GNAQ: variants seen among roughly 807,000 people sequenced by gnomAD.
GNAQ encodes the protein G protein subunit alpha q.
GNAQ carries 8 observed loss-of-function variants against 43.9 expected under a neutral mutation model. The observed-to-expected ratio is 0.18, with a 90% CI of 0.11 to 0.33. The LOEUF (loss-of-function observed/expected upper bound fraction) is 0.33. Ranked by LOEUF, GNAQ falls within the 10% of genes least tolerant of loss-of-function variation. GNAQ has a pLI of 1.00. For missense variants in GNAQ, 158 were observed against 450.8 expected, an observed-to-expected ratio of 0.35 and a Z score of 5.88; for synonymous variants, 155 against 170.7, an observed-to-expected ratio of 0.91 and a Z score of 0.71.
intron 5 of GNAQ, among the ~76,000 whole-genome samples, chr9:77,749,290 G>C (rs1035248003): frequency 3.9e-5 from 6 of 152,160 alleles, no homozygotes; most frequent in Non-Finnish European, 8.8e-5. Context: ...GCAACGAGCT[G>C]ATGCCAGTTA....
chr9:77,796,662 T>C (rs1826663662), intron 4 of GNAQ, among the ~76,000 whole-genome samples: 1 of 152,222 alleles, frequency 6.6e-6, no homozygotes, highest in Non-Finnish European at 1.5e-5. Context: ...ACTAGGTTAA[T>C]TAACCCATTT....
At chr9:78,011,713 T>C (rs1420376794) in intron 1 of GNAQ, among the ~76,000 whole-genome samples, 2 of 152,180 alleles carry the variant, frequency 1.3e-5, no homozygotes, top group African/African-American at 2.4e-5. Context: ...GACATTGATA[T>C]TCAAAACAGT....
chr9:77,970,294 C>T (rs926751472), intron 1 of GNAQ, among the ~76,000 whole-genome samples: 2 of 152,116 alleles, frequency 1.3e-5, no homozygotes, highest in Non-Finnish European at 2.9e-5. Flanking sequence ...TACTCTGCCC[C>T]GTGCTCCTGC....
intron 2 of GNAQ, among the ~76,000 whole-genome samples, chr9:77,817,541 C>T (rs962354363): frequency 6.6e-6 from 1 of 152,110 alleles, no homozygotes; most frequent in African/African-American, 2.4e-5. Flanking sequence ...ACTACTTTTC[C>T]TCTTTATAAC....
chr9:77,785,648 T>C (rs1470493145), intron 5 of GNAQ, among the ~76,000 whole-genome samples: 1 of 152,156 alleles, frequency 6.6e-6, no homozygotes, highest in East Asian at 1.9e-4. Context: ...TATATGCCAA[T>C]AAAAACATTA....
chr9:77,745,201 A>T (rs539863636), intron 5 of GNAQ, among the ~76,000 whole-genome samples: 1 of 152,312 alleles, frequency 6.6e-6, no homozygotes, highest in South Asian at 2.1e-4. Flanking sequence ...GAGGCAGGAC[A>T]GATGGGAGAA....
intron 1 of GNAQ, among the ~76,000 whole-genome samples, chr9:78,027,138 C>G (rs1823992756): frequency 6.6e-6 from 1 of 152,134 alleles, no homozygotes; most frequent in African/African-American, 2.4e-5. Flanking sequence ...CTGTAATACA[C>G]TGGTTCAATG....
intron 3 of GNAQ, among the ~76,000 whole-genome samples, chr9:77,812,758 T>A (rs540283683): frequency 1.6e-4 from 25 of 152,218 alleles, no homozygotes; most frequent in East Asian, 7.7e-4. Flanking sequence ...CCTACTTTTT[T>A]AAAAAAGATA....
rs1827851821 is a variant in GNAQ, at chr9:77,861,563, AAC to A, written c.322-45795_322-45794del. Among the ~76,000 whole-genome samples the A allele has an allele frequency of 1.3e-5, 2 of 152,204 alleles. 1 individual carries two copies. The highest frequency in any genetic ancestry group is 1.3e-4 in the Admixed American group (2 of 15,280). ...ACAATGCGGGTACAGGCATTGGGTA[AAC>A]ACAGCCATTCCAAATGGGAGAAATT... On this transcript the variant is annotated intron_variant, in intron 2 of 6. Coordinates refer to ENST00000286548, the MANE Select transcript of GNAQ (RefSeq NM_002072.5).
intron 2 of GNAQ, among the ~76,000 whole-genome samples, chr9:77,849,546 T>C (rs1827640608): frequency 6.6e-6 from 1 of 152,112 alleles, no homozygotes; most frequent in Non-Finnish European, 1.5e-5. Context: ...GGTCATCTGG[T>C]CATCCGTACT....
chr9:77,797,351 T>C (rs951723295), intron 4 of GNAQ, among the ~76,000 whole-genome samples, 169 bp downstream of exon 4: 3 of 152,188 alleles, frequency 2.0e-5, no homozygotes, highest in African/African-American at 7.2e-5. Flanking sequence ...ATCTTTCTGT[T>C]ATTTCCTCCC....
intron 5 of GNAQ, among the ~76,000 whole-genome samples, chr9:77,774,725 A>C (rs1436019880): frequency 6.6e-6 from 1 of 152,174 alleles, no homozygotes; most frequent in Non-Finnish European, 1.5e-5. Context: ...GGCCTCCAAA[A>C]GTGCTGGCAT....
intron 5 of GNAQ, among the ~76,000 whole-genome samples, chr9:77,777,937 C>T (rs1262103296): frequency 6.6e-6 from 1 of 151,874 alleles, no homozygotes; most frequent in African/African-American, 2.4e-5. Context: ...CATAGAACTA[C>T]CAAATGATCC....
intron 3 of GNAQ, among the ~76,000 whole-genome samples, chr9:77,800,102 G>GGAACACTTT (rs1587921916): frequency 6.6e-6 from 1 of 152,112 alleles, no homozygotes; most frequent in African/African-American, 2.4e-5. Context: ...ATAAAAAATA[G>GGAACACTTT]GAACACTTTT....
intron 2 of GNAQ, among the ~76,000 whole-genome samples, chr9:77,905,162 G>A (rs1363379319): frequency 1.3e-5 from 2 of 152,210 alleles, no homozygotes; most frequent in African/African-American, 2.4e-5. Context: ...TTCATTGAAT[G>A]TGGAACTTGG....
chr9:77,849,443 T>C (rs1827638666), intron 2 of GNAQ, among the ~76,000 whole-genome samples: 1 of 151,692 alleles, frequency 6.6e-6, no homozygotes, highest in Admixed American at 6.6e-5. Context: ...CCATGTGGGG[T>C]CTACAACTAG....
rs34672083 is a variant in GNAQ, at chr9:77,832,087, C to CTTT, written c.322-16320_322-16318dup. 1.1e-3 allele frequency among the ~76,000 whole-genome samples: 154 copies of CTTT among 146,144 alleles called. 2 individuals carry two copies. Among genetic ancestry groups the CTTT allele is most frequent in the East Asian group, 3.0e-3 (15 of 4,930 alleles). On this transcript the variant is annotated intron_variant, in intron 2 of 6. Coordinates refer to ENST00000286548, the MANE Select transcript of GNAQ (RefSeq NM_002072.5). ...GACATCCTTTGGAGAGATTAGAGCA[C>CTTT]TTTTTTTTTTTTTGGCTTTTCCAAC...
chr9:78,011,173 A>G (rs931689649), intron 1 of GNAQ, among the ~76,000 whole-genome samples: 1 of 152,230 alleles, frequency 6.6e-6, no homozygotes, highest in Non-Finnish European at 1.5e-5. Flanking sequence ...TGTGAGATGA[A>G]GCAAAGTTCA....
At chr9:77,777,784 TAGGA>T (rs761357054) in intron 5 of GNAQ, among the ~76,000 whole-genome samples, 764 of 152,016 alleles carry the variant, frequency 5.0e-3, no homozygotes, top group Non-Finnish European at 8.3e-3. Context: ...TTATAACCAC[TAGGA>T]TGGCTAAAAT....
Sources: gnomAD v4.1 joint callset for allele counts (sites outside exome capture counted in the v4.1 genomes callset) on GRCh38, gnomAD v4.1.1 for gene constraint, MANE v1.5 for transcripts, NCBI Gene and HGNC (gene_info 2026-07-23, HGNC 2026-07-21) for gene names.